UGGT2: variants seen among roughly 807,000 people sequenced by gnomAD.
The protein encoded by UGGT2 is UDP-glucose glycoprotein glucosyltransferase 2, also known as UDP-glucose:glycoprotein glucosyltransferase 2.
UGGT2 carries 180 observed loss-of-function variants against 192.1 expected under a neutral mutation model. That is an observed-to-expected ratio of 0.94 (90% confidence interval 0.83 to 1.06). UGGT2 has a LOEUF of 1.06. Among genes scored for constraint, UGGT2 ranks in the 50% least tolerant of loss-of-function variants. The pLI, the probability that UGGT2 is intolerant of heterozygous loss-of-function variation, is 0.00. For synonymous variants in UGGT2, 580 were observed against 591.0 expected, an observed-to-expected ratio of 0.98 and a Z score of 0.27; for missense variants, 1,849 against 1,795.7, an observed-to-expected ratio of 1.03 and a Z score of -0.54.
intron 29 of UGGT2, among the ~76,000 whole-genome samples, chr13:95,874,795 G>T (rs1891521727): frequency 6.6e-6 from 1 of 151,926 alleles, no homozygotes; most frequent in African/African-American, 2.4e-5. Flanking sequence ...GGGGTCAACT[G>T]ATCCTCCCAC....
intron 22 of UGGT2, among the ~76,000 whole-genome samples, chr13:95,899,945 TGAA>T (rs1351485261): frequency 2.0e-5 from 3 of 152,066 alleles, no homozygotes; most frequent in Non-Finnish European, 4.4e-5. Context: ...ATTAGAACTT[TGAA>T]GATGATTGAG....
At chr13:95,993,169 C>T (rs1216093455) in intron 7 of UGGT2, among the ~76,000 whole-genome samples, 1 of 152,060 alleles carries the variant, frequency 6.6e-6, no homozygotes, top group Non-Finnish European at 1.5e-5. Flanking sequence ...CCTGTGTTCT[C>T]ACTTATAAGT....
chr13:95,958,777 G>A (rs1249487915), intron 12 of UGGT2, among the ~76,000 whole-genome samples: 1 of 152,156 alleles, frequency 6.6e-6, no homozygotes, highest in African/African-American at 2.4e-5. Context: ...CAAGAAAGGA[G>A]AGGGAAATAA....
At chr13:96,047,229 C>T (rs984005685) in intron 1 of UGGT2, among the ~76,000 whole-genome samples, 5 of 152,150 alleles carry the variant, frequency 3.3e-5, no homozygotes, top group African/African-American at 1.2e-4. Context: ...CAGTAGGGGC[C>T]GACTGACACC....
At chr13:95,967,650 A>G (rs1425188650) in intron 12 of UGGT2, among the ~76,000 whole-genome samples, 2 of 146,902 alleles carry the variant, frequency 1.4e-5, no homozygotes, top group African/African-American at 5.1e-5. Flanking sequence ...ATTTTTGTAC[A>G]TTTAGTAGAG....
chr13:95,963,732 C>G (rs956255920), intron 12 of UGGT2, among the ~76,000 whole-genome samples: 2 of 151,974 alleles, frequency 1.3e-5, no homozygotes, highest in Admixed American at 1.3e-4. Flanking sequence ...TGTTTCTATA[C>G]ACAAATAATG....
intron 17 of UGGT2, among the ~76,000 whole-genome samples, chr13:95,933,671 T>C (rs1049927315): frequency 7.6e-6 from 1 of 131,134 alleles, no homozygotes; most frequent in African/African-American, 2.6e-5. Flanking sequence ...GAGATAGTTC[T>C]AAATTTTTTT....
At chr13:95,929,825 G>C (rs1331248430) in intron 17 of UGGT2, among the ~76,000 whole-genome samples, 1 of 152,006 alleles carries the variant, frequency 6.6e-6, no homozygotes, top group African/African-American at 2.4e-5. Flanking sequence ...TGGGTTGAAT[G>C]GTAGTTCTGT....
chr13:96,008,365 T>G (rs2052048085), intron 5 of UGGT2, among the ~76,000 whole-genome samples: 1 of 152,126 alleles, frequency 6.6e-6, no homozygotes, highest in Non-Finnish European at 1.5e-5. Flanking sequence ...AACATAGTCC[T>G]GAAAGTCCTG....
intron 36 of UGGT2, among the ~76,000 whole-genome samples, 195 bp from the exon 37 acceptor site, chr13:95,837,397 G>A (rs1887414976): frequency 6.6e-6 from 1 of 152,136 alleles, no homozygotes; most frequent in Non-Finnish European, 1.5e-5. Context: ...TCCATGCACT[G>A]GAATATACCT....
At chr13:95,895,410 T>C in intron 22 of UGGT2, 106 bp from the exon 23 acceptor site, 1 of 707,198 alleles carries the variant, frequency 1.4e-6, no homozygotes, top group Non-Finnish European at 2.1e-6. Context: ...AAAAATGAAT[T>C]AGAGATTAAA....
chr13:96,032,257 T>C lies in UGGT2; in HGVS notation c.159-286A>G, dbSNP rs560235072. On this transcript the variant is annotated intron_variant, in intron 1 of 38. Coordinates refer to ENST00000376747, the MANE Select transcript of UGGT2 (RefSeq NM_020121.4). The stretch of plus-strand genomic sequence containing the variant: ...TTATTAGCAACAACTAAAAAATTGA[T>C]AGTTTATTCTATCTTGCCATATGAA... Among the ~76,000 whole-genome samples, 191 of 152,212 alleles carry C rather than the reference T, an allele frequency of 1.3e-3. 1 individual carries two copies. Among genetic ancestry groups the C allele is most frequent in the African/African-American group, 4.4e-3 (184 of 41,542 alleles).
At chr13:95,952,057 A>T (rs570864938) in intron 12 of UGGT2, among the ~76,000 whole-genome samples, 5 of 150,974 alleles carry the variant, frequency 3.3e-5, no homozygotes, top group African/African-American at 1.2e-4. Context: ...GACTGTCTCA[A>T]AAAAAAAAAG....
chr13:96,011,953 C>T (rs2052175248), intron 5 of UGGT2, among the ~76,000 whole-genome samples: 1 of 151,978 alleles, frequency 6.6e-6, no homozygotes, highest in African/African-American at 2.4e-5. Context: ...GGAACCTGGC[C>T]AACTAATTCT....
chr13:96,004,811 C>G (rs2051921828), intron 5 of UGGT2, among the ~76,000 whole-genome samples: 1 of 151,906 alleles, frequency 6.6e-6, no homozygotes, highest in African/African-American at 2.4e-5. Flanking sequence ...CCTTATTAAA[C>G]AGCCACCTAG....
At chr13:95,910,803 T>C (rs1254549090) in intron 20 of UGGT2, among the ~76,000 whole-genome samples, 3 of 152,156 alleles carry the variant, frequency 2.0e-5, no homozygotes, top group African/African-American at 4.8e-5. Flanking sequence ...GAGCACCGCA[T>C]TGCACCTATT....
chr13:95,987,644 G>C (rs771970733), intron 8 of UGGT2, among the ~76,000 whole-genome samples: 71 of 152,212 alleles, frequency 4.7e-4, no homozygotes, highest in Non-Finnish European at 8.7e-4. Flanking sequence ...ACTTAGACAA[G>C]AGCTTCACAA....
At position 95,854,444 on chromosome 13, in the gene UGGT2, T is replaced by A; in HGVS notation, c.4040A>T (p.Asp1347Val). The change falls in exon 35 of 39, where the codon GAT (aspartate) becomes GTT (valine). Residue 1347 changes from aspartate (D) to valine (V), a missense_variant. Transcript: ENST00000376747. ...IVRHDLKELR[D>V]FDLDGAPYGY... is the part of the protein sequence containing the mutation. ...ATAAGGAGCTCCATCCAGATCGAAA[T>A]CTCGAAGTTCTTTTAGATCATGTCT... 1 of 1,610,568 alleles carries A rather than the reference T, an allele frequency of 6.2e-7. No homozygotes were observed.
At chr13:95,831,060 T>C (rs922668468) in intron 38 of UGGT2, among the ~76,000 whole-genome samples, 4 of 150,424 alleles carry the variant, frequency 2.7e-5, no homozygotes, top group African/African-American at 7.4e-5. Flanking sequence ...TCCTCACTCA[T>C]AGGTGGGAAA....
Sources: allele counts gnomAD v4.1 joint callset (sites outside exome capture counted in the v4.1 genomes callset), GRCh38; gene constraint gnomAD v4.1.1; transcripts MANE v1.5; gene names NCBI Gene and HGNC (gene_info 2026-07-23, HGNC 2026-07-21).